COL5A1: variants seen among roughly 807,000 people sequenced by gnomAD.
COL5A1 encodes collagen type V alpha 1 chain, also known as collagen alpha-1(V) chain.
COL5A1 carries 16 observed loss-of-function variants against 263.7 expected under a neutral mutation model. The ratio of observed to expected loss-of-function variants is 0.06; its 90% CI spans 0.04 to 0.09. The LOEUF (loss-of-function observed/expected upper bound fraction) is 0.09, where lower values mean the gene tolerates loss of function less well. COL5A1 is among the 10% of genes least tolerant of loss of function. The probability of loss-of-function intolerance (pLI) is 1.00; values close to 1 mark genes in which losing one functional copy is unlikely to be tolerated. For synonymous variants in COL5A1, 1,012 were observed against 1,004.5 expected, an observed-to-expected ratio of 1.01 and a Z score of -0.14; for missense variants, 2,036 against 2,540.5, an observed-to-expected ratio of 0.80 and a Z score of 4.27.
intron 41 of COL5A1, 126 bp downstream of exon 41, chr9:134,805,340 G>A: frequency 1.7e-6 from 2 of 1,165,340 alleles, no homozygotes; most frequent in Non-Finnish European, 2.6e-6. Flanking sequence ...AGGATGTGGA[G>A]GGGGGAAAAT....
At chr9:134,708,452 C>T in intron 4 of COL5A1, 1 of 432,156 alleles carries the variant, frequency 2.3e-6, no homozygotes, top group South Asian at 1.7e-5. Context: ...TGCACTGACA[C>T]AGGACACTGT....
chr9:134,832,676 G>A (rs556783817), intron 64 of COL5A1: 6 of 152,218 alleles, frequency 3.9e-5, no homozygotes, highest in Admixed American at 6.5e-5. Context: ...AGTCAGTCAC[G>A]TTCCCTCCCA....
At chr9:134,679,361 TG>T in intron 1 of COL5A1, among the ~76,000 whole-genome samples, 1 of 69,166 alleles carries the variant, frequency 1.4e-5, no homozygotes, top group South Asian at 5.9e-4. Context: ...CAGAGCTAGT[TG>T]GGGGCACTGC....
intron 1 of COL5A1, among the ~76,000 whole-genome samples, chr9:134,687,127 C>T (rs912653607): frequency 6.6e-6 from 1 of 152,174 alleles, no homozygotes; most frequent in Non-Finnish European, 1.5e-5. Flanking sequence ...CAGGCCGTGG[C>T]ATGCGTGGGG....
intron 7 of COL5A1, among the ~76,000 whole-genome samples, chr9:134,731,213 TG>T (rs1351893274): frequency 6.6e-6 from 1 of 152,186 alleles, no homozygotes; most frequent in Non-Finnish European, 1.5e-5. Context: ...CGCAAGACCC[TG>T]GGGCTGTGGG....
intron 36 of COL5A1, among the ~76,000 whole-genome samples, chr9:134,797,733 T>C (rs1837963456): frequency 6.6e-6 from 1 of 152,176 alleles, no homozygotes; most frequent in South Asian, 2.1e-4. Flanking sequence ...TCCACCTGCC[T>C]CGGCCTCCCA....
chr9:134,730,093 A>C, intron 6 of COL5A1, 143 bp from the exon 7 acceptor site: 4 of 1,276,444 alleles, frequency 3.1e-6, no homozygotes, highest in Non-Finnish European at 4.5e-6. Context: ...CCCTGCACCC[A>C]AGAGGTCTCT....
rs550145032 is a variant in COL5A1, at chr9:134,752,527, G to A, written c.1663-62G>A. On this transcript the variant is annotated intron_variant, in intron 13 of 65. Transcript: ENST00000371817. Reference sequence around the variant, plus strand: ...TCCTGCCACATCTCACGGCTCAGGCGCCAGCAAACCGGAGCACTGCTGCTG... The same window carrying A: ...TCCTGCCACATCTCACGGCTCAGGCACCAGCAAACCGGAGCACTGCTGCTG... 36 of 1,298,906 alleles carry A rather than the reference G, an allele frequency of 2.8e-5. No individual in the cohort carries two copies. The East Asian group carries it at 3.7e-4, about 13-fold the overall frequency. The allele number at this position is 1,298,906 out of a possible 1,614,324, so 80.5% of individuals were successfully genotyped here. A position where few individuals can be genotyped will look rare whatever the true frequency, so the allele number is the denominator to read the frequency against.
intron 1 of COL5A1, among the ~76,000 whole-genome samples, chr9:134,659,296 G>C (rs900182557): frequency 6.6e-6 from 1 of 152,198 alleles, no homozygotes; most frequent in South Asian, 2.1e-4. Context: ...GGCTGAGGCA[G>C]GAGAATTGCT....
chr9:134,693,906 A>G (rs1293901983), intron 2 of COL5A1, among the ~76,000 whole-genome samples: 1 of 152,104 alleles, frequency 6.6e-6, no homozygotes, highest in Non-Finnish European at 1.5e-5. Context: ...GGTCAGCCTA[A>G]GCGCTAGGGG....
intron 32 of COL5A1, among the ~76,000 whole-genome samples, chr9:134,791,611 A>C (rs1482632482): frequency 6.6e-6 from 1 of 151,130 alleles, no homozygotes; most frequent in Non-Finnish European, 1.5e-5. Context: ...TTGCAAAGGG[A>C]CCCTTCCTCT....
intron 62 of COL5A1, 61 bp downstream of exon 62, chr9:134,824,916 G>A: frequency 6.4e-7 from 1 of 1,554,006 alleles, no homozygotes; most frequent in South Asian, 1.2e-5. Flanking sequence ...CAGGACACAT[G>A]GAGTGTGGCA....
intron 1 of COL5A1, among the ~76,000 whole-genome samples, chr9:134,675,592 C>T (rs1302118021): frequency 2.6e-5 from 4 of 152,128 alleles, no homozygotes; most frequent in Non-Finnish European, 5.9e-5. Flanking sequence ...TTAATAGCAT[C>T]CTCTTATTTT....
At chr9:134,776,130 G>A (rs990529447) in intron 27 of COL5A1, among the ~76,000 whole-genome samples, 2 of 152,168 alleles carry the variant, frequency 1.3e-5, no homozygotes, top group African/African-American at 4.8e-5. Context: ...CCAAGTTCAC[G>A]AGGTATTGAA....
chr9:134,753,412 C>T (rs1252485506), intron 14 of COL5A1, among the ~76,000 whole-genome samples: 1 of 152,174 alleles, frequency 6.6e-6, no homozygotes, highest in East Asian at 1.9e-4. Flanking sequence ...GGCTTTGCCA[C>T]CTGCCACTGG....
chr9:134,828,627 C>T (rs1839409511), intron 63 of COL5A1, among the ~76,000 whole-genome samples: 1 of 139,324 alleles, frequency 7.2e-6, no homozygotes, highest in African/African-American at 2.8e-5. Flanking sequence ...CACACACATA[C>T]CACACACACG....
intron 65 of COL5A1, among the ~76,000 whole-genome samples, chr9:134,836,514 G>A (rs7867563): frequency 0.26 from 39,138 of 152,136 alleles, 5,685 homozygotes; most frequent in Admixed American, 0.4. Flanking sequence ...TGAGGGGAAC[G>A]GGGCCGGCGT....
chr9:134,652,813 C>T lies in COL5A1; in HGVS notation c.109+10517C>T. Reference sequence around the variant, plus strand: ...GTAGACCAGCAGTTCCCAAACTTTACCAGGCCCCAGAATCCCCCCGAGGCC... The same window carrying T: ...GTAGACCAGCAGTTCCCAAACTTTATCAGGCCCCAGAATCCCCCCGAGGCC... On this transcript the variant is annotated intron_variant, in intron 1 of 65. Coordinates refer to ENST00000371817, the MANE Select transcript of COL5A1 (RefSeq NM_000093.5). This position sits in a 1 kb window ranked among gnomAD's most constrained non-coding sequence, Gnocchi z 4.4. 3 of 450,276 alleles carry T rather than the reference C, an allele frequency of 6.7e-6. No individual in the cohort carries two copies. Among genetic ancestry groups the T allele is most frequent in the South Asian group, 4.8e-5 (3 of 62,850 alleles). The allele number at this position is 450,276 out of a possible 1,614,324, so 27.9% of individuals were successfully genotyped here.
intron 10 of COL5A1, 104 bp from the exon 11 acceptor site, chr9:134,738,642 C>T (rs1280883909): frequency 1.1e-5 from 16 of 1,518,678 alleles, no homozygotes; most frequent in East Asian, 2.3e-5. Context: ...CCCTGGGAGC[C>T]GGCGCTATCC....
Sources: gnomAD v4.1 joint callset for allele counts (sites outside exome capture counted in the v4.1 genomes callset) on GRCh38, gnomAD v4.1.1 for gene constraint, Gnocchi (gnomAD v3.1) non-coding constraint, MANE v1.5 for transcripts, NCBI Gene and HGNC (gene_info 2026-07-23, HGNC 2026-07-21) for gene names.